Variants in SMARCA2 observed in about 807,000 individuals in gnomAD.
The protein encoded by SMARCA2 is SWI/SNF related BAF chromatin remodeling complex subunit ATPase 2.
Under a neutral mutation model 199.8 loss-of-function variants are expected in SMARCA2, and 61 were observed. That is an observed-to-expected ratio of 0.31 (90% CI 0.25 to 0.38). The LOEUF is 0.38. SMARCA2 is among the 10% of genes least tolerant of loss of function. SMARCA2 has a pLI of 1.00. For synonymous variants in SMARCA2, 935 were observed against 732.0 expected (o/e 1.28, Z -4.48); for missense variants, 1,344 against 2,012.2 (o/e 0.67, Z 6.35).
intron 24 of SMARCA2, among the ~76,000 whole-genome samples, chr9:2,112,601 A>G (rs1234627551): frequency 1.3e-5 from 2 of 152,182 alleles, no homozygotes; most frequent in African/African-American, 4.8e-5. Flanking sequence ...CTTTGGCAGC[A>G]AAACACAGGA....
In SMARCA2 at chr9:2,110,192, C is replaced by T. The variant is rs34577677; in HGVS notation, c.3293-62C>T. Reference sequence around the variant, plus strand: ...TCTTGAAGGAAGCAAGCCTTTTTGTCTCATTCTGTGCCATTTTCAGACAAG... The same window carrying T: ...TCTTGAAGGAAGCAAGCCTTTTTGTTTCATTCTGTGCCATTTTCAGACAAG... On this transcript the variant is annotated intron_variant, in intron 23 of 33. Transcript: ENST00000349721. The surrounding 1 kb of genome is among the most constrained non-coding windows in gnomAD (Gnocchi z 4.8). 237 of 1,375,638 alleles carry T rather than the reference C, an allele frequency of 1.7e-4. 4 individuals are homozygous for T. The South Asian group carries it at 3.2e-3, about 18-fold the overall frequency. The allele number at this position is 1,375,638 out of a possible 1,614,324, so 85.2% of individuals were successfully genotyped here.
chr9:2,042,274 A>G (rs1346436696), intron 4 of SMARCA2: 2 of 152,210 alleles, frequency 1.3e-5, no homozygotes, highest in African/African-American at 2.4e-5. Flanking sequence ...GCTACATGAA[A>G]GGCTGATGGA....
chr9:2,097,208 A>T, intron 20 of SMARCA2, 177 bp from the exon 21 acceptor site: 1 of 545,440 alleles, frequency 1.8e-6, no homozygotes, highest in African/African-American at 1.9e-5. Flanking sequence ...CAAGAAAGAC[A>T]TTATGTCTAA....
intron 5 of SMARCA2, among the ~76,000 whole-genome samples, chr9:2,049,459 C>T (rs1820023683): frequency 6.6e-6 from 1 of 152,182 alleles, no homozygotes. Flanking sequence ...TTTTAAATTA[C>T]ATGCATTACA....
chr9:2,062,621 C>T (rs1229332712), intron 9 of SMARCA2, among the ~76,000 whole-genome samples: 2 of 152,086 alleles, frequency 1.3e-5, no homozygotes, highest in South Asian at 4.1e-4. Context: ...GTTGGCACGC[C>T]CCTTTCAAAC....
In SMARCA2 at chr9:2,039,372, G is replaced by T; in HGVS notation, c.356-94G>T. 5.9e-6 allele frequency: 7 copies of T among 1,181,528 alleles called. No homozygotes were observed. Among genetic ancestry groups the T allele is most frequent in the South Asian group, 1.5e-5 (1 of 67,228 alleles). 73.2% of individuals were successfully genotyped at this position (1,181,528 alleles called of 1,614,324 possible). On this transcript the variant is annotated intron_variant, in intron 3 of 33. Transcript: ENST00000349721. The surrounding 1 kb of genome is among the most constrained non-coding windows in gnomAD (Gnocchi z 4.8). ...ATGTCATTCAAATTTCTGTCAGACA[G>T]TGTTGCTGTGGACAATTATTAGAGT...
intron 1 of SMARCA2, among the ~76,000 whole-genome samples, chr9:2,026,459 T>C (rs1229796976): frequency 6.6e-6 from 1 of 152,254 alleles, no homozygotes; most frequent in Non-Finnish European, 1.5e-5. Flanking sequence ...TTTATGGGAC[T>C]ATGTATGAGT....
chr9:2,159,163 C>G (rs1427875704), intron 27 of SMARCA2, among the ~76,000 whole-genome samples: 1 of 152,154 alleles, frequency 6.6e-6, no homozygotes, highest in Non-Finnish European at 1.5e-5. Flanking sequence ...TGCTTTTTCC[C>G]TCTTTTCAAA....
chr9:2,026,334 C>T (rs139534742), intron 1 of SMARCA2, among the ~76,000 whole-genome samples: 3 of 152,294 alleles, frequency 2.0e-5, no homozygotes, highest in African/African-American at 7.2e-5. Context: ...CTATATAACA[C>T]GTTCCTATAT....
chr9:2,192,819 T>C lies in SMARCA2; in HGVS notation c.*80T>C, dbSNP rs370531788. On this transcript the variant is annotated 3_prime_UTR_variant, in exon 34 of 34. Coordinates refer to ENST00000349721, the MANE Select transcript of SMARCA2 (RefSeq NM_003070.5). The stretch of plus-strand genomic sequence containing the variant: ...TTCTACCCAGTGAGTTCATTTGTCA[T>C]ATAGGCACTGGGTTGTTTCTATATC... 2.0e-5 allele frequency: 20 copies of C among 1,012,752 alleles called. No homozygotes were observed. The Middle Eastern group carries it at 6.2e-4, about 31-fold the overall frequency. The allele number at this position is 1,012,752 out of a possible 1,614,324, so 62.7% of individuals were successfully genotyped here.
In SMARCA2 at chr9:2,168,998, C is replaced by T. The variant is rs16937814; in HGVS notation, c.4200-1421C>T. ...TTTCCTCCCGTCACTCGTGCACATT[C>T]GGAGATGACATGGTCTACTTAAGCT... is the stretch of plus-strand genomic sequence containing the variant. On this transcript the variant is annotated intron_variant, in intron 28 of 33. Transcript: ENST00000349721. 7.3e-3 allele frequency among the ~76,000 whole-genome samples: 1,111 copies of T among 152,284 alleles called. 12 individuals carry two copies. The highest frequency in any genetic ancestry group is 0.024 in the African/African-American group (1,005 of 41,546).
chr9:2,083,329 T>C lies in SMARCA2; in HGVS notation c.2349-18T>C. ...TACAAATGTCTTTTTTCTGTTGTTT[T>C]TTTTTTTTGTTCCATAGGACTCTAT... On this transcript the variant is annotated intron_variant, in intron 15 of 33. Coordinates refer to ENST00000349721, the MANE Select transcript of SMARCA2 (RefSeq NM_003070.5). 1 of 1,525,860 alleles carries C rather than the reference T, an allele frequency of 6.6e-7. No individual in the cohort carries two copies. The highest frequency in any genetic ancestry group is 8.8e-7 in the Non-Finnish European group (1 of 1,129,968). 94.5% of individuals were successfully genotyped at this position (1,525,860 alleles called of 1,614,324 possible).
chr9:2,027,201 G>A (rs941904508), intron 1 of SMARCA2, among the ~76,000 whole-genome samples: 4 of 152,166 alleles, frequency 2.6e-5, no homozygotes, highest in African/African-American at 9.7e-5. Flanking sequence ...CAGCGGTTTG[G>A]GAGGCTGAGG....
chr9:2,165,910 G>C (rs966683372), intron 28 of SMARCA2, among the ~76,000 whole-genome samples: 4 of 152,164 alleles, frequency 2.6e-5, no homozygotes, highest in Non-Finnish European at 5.9e-5. Context: ...ATACAAGTAA[G>C]TCCCCTGTAC....
chr9:2,100,781 T>C (rs1392361995), intron 21 of SMARCA2, among the ~76,000 whole-genome samples: 1 of 152,146 alleles, frequency 6.6e-6, no homozygotes, highest in African/African-American at 2.4e-5. Flanking sequence ...TATTGCTGAA[T>C]TTTTCCACAA....
At chr9:2,141,158 CT>C (rs60205373) in intron 27 of SMARCA2, among the ~76,000 whole-genome samples, 21,522 of 147,174 alleles carry the variant, frequency 0.15, 1,865 homozygotes, top group East Asian at 0.32. Flanking sequence ...ATTTTCAGGA[CT>C]TTTCCTGAGC....
intron 27 of SMARCA2, among the ~76,000 whole-genome samples, chr9:2,131,514 G>A (rs964198984): frequency 1.3e-5 from 2 of 152,192 alleles, no homozygotes; most frequent in Non-Finnish European, 2.9e-5. Context: ...AGAATTTCAA[G>A]AGGAACTTTG....
intron 3 of SMARCA2, among the ~76,000 whole-genome samples, chr9:2,037,015 A>T (rs1321013387): frequency 2.0e-5 from 3 of 152,208 alleles, no homozygotes; most frequent in Non-Finnish European, 4.4e-5. Context: ...CAGGAAACAT[A>T]TGACTAATTT....
intron 28 of SMARCA2, among the ~76,000 whole-genome samples, chr9:2,167,506 C>T (rs529194436): frequency 3.9e-5 from 6 of 152,330 alleles, no homozygotes; most frequent in Admixed American, 3.3e-4. Context: ...GCAGGAGATA[C>T]CTGCCTGGTC....
Sources: allele counts gnomAD v4.1 joint callset (sites outside exome capture counted in the v4.1 genomes callset), GRCh38; gene constraint gnomAD v4.1.1; non-coding constraint Gnocchi (gnomAD v3.1); transcripts MANE v1.5; gene names NCBI Gene and HGNC (gene_info 2026-07-23, HGNC 2026-07-21).